The following ANK2 variants were observed in gnomAD, a reference collection of about 807,000 sequenced individuals.
The protein encoded by ANK2 is ankyrin 2.
A neutral mutation model predicts 360.5 loss-of-function variants in ANK2; 83 were observed. The ratio of observed to expected loss-of-function variants is 0.23; its 90% confidence interval spans 0.19 to 0.28. The LOEUF is 0.28. Among genes scored for constraint, ANK2 ranks in the 10% least tolerant of loss-of-function variants. ANK2 has a pLI of 1.00. For synonymous variants in ANK2, 1,740 were observed against 1,759.5 expected, an observed-to-expected ratio of 0.99 and a Z score of 0.28; for missense variants, 4,201 against 4,795.7, an observed-to-expected ratio of 0.88 and a Z score of 3.66.
rs766226596 is a variant in ANK2, at chr4:113,196,447, C to T, written c.266C>T (p.Ser89Phe). The change falls in exon 3 of 46, where the codon TCT (serine) becomes TTT (phenylalanine). Residue 89 changes from serine (S) to phenylalanine (F), a missense_variant. Physicochemically the swap from Ser to Phe is radical, Grantham distance 155. Transcript: ENST00000357077. ...LVQELLGRGSSVDSATKKGNT... is the reference protein window; with the variant it reads ...LVQELLGRGSFVDSATKKGNT... ...CAGGAGCTGCTGGGAAGAGGGTCCT[C>T]TGTGGATTCTGCCACTAAGGTAACA... The T allele has an allele frequency of 5.6e-6, 9 of 1,613,368 alleles. No individual in the cohort carries two copies. The highest frequency in any genetic ancestry group is 7.6e-6 in the Non-Finnish European group (9 of 1,179,848).
the ANK2 span, among the ~76,000 whole-genome samples, chr4:112,796,429 A>T: frequency 6.8e-6 from 1 of 146,106 alleles, no homozygotes; most frequent in Non-Finnish European, 1.5e-5. Flanking sequence ...GTCTCAAAAA[A>T]AAATATCTAT....
At chr4:113,012,948 T>C (rs1417522659) in intron 2 of ANK2, among the ~76,000 whole-genome samples, 2 of 152,180 alleles carry the variant, frequency 1.3e-5, no homozygotes, top group Admixed American at 1.3e-4. Flanking sequence ...ATTATTCTTC[T>C]TAGAATAAGT....
chr4:113,034,303 TA>T (rs1241002846), intron 2 of ANK2, among the ~76,000 whole-genome samples: 4 of 152,152 alleles, frequency 2.6e-5, no homozygotes, highest in African/African-American at 9.6e-5. Flanking sequence ...TAACCTGATG[TA>T]GTTTTTCAAT....
rs533488549 is a variant in ANK2 at position 112,991,352 on chromosome 4, G to C, written c.21+86838G>C. Among the ~76,000 whole-genome samples the C allele has an allele frequency of 2.0e-5, 3 of 152,118 alleles. No homozygotes were observed. The South Asian group carries it at 6.2e-4, about 32-fold the overall frequency. On this transcript the variant is annotated intron_variant, in intron 2 of 30. Transcript: ENST00000503271. ...TCATGTCTGTATTTGGGGTGCAAAA[G>C]CTTGGGGTATCATATTGAGCAATGT... is the stretch of plus-strand genomic sequence containing the variant.
intron 1 of ANK2, among the ~76,000 whole-genome samples, chr4:112,903,087 A>G (rs2083979724): frequency 6.6e-6 from 1 of 152,216 alleles, no homozygotes; most frequent in Non-Finnish European, 1.5e-5. Context: ...ACACTGGGCT[A>G]TGGTCCTCAA....
At position 113,335,931 on chromosome 4, in the gene ANK2, T is replaced by G; in HGVS notation, c.3465T>G (p.Ser1155=). The G allele has an allele frequency of 6.2e-7, 1 of 1,614,120 alleles. No individual in the cohort carries two copies. Among genetic ancestry groups the G allele is most frequent in the Non-Finnish European group, 8.5e-7 (1 of 1,180,016 alleles). ...TCCCACAGTACTTTGCAGTGGTGTC[T>G]CGTATCAAACAGGACAGCAATCTGA... ...RDFPQYFAVV[S]RIKQDSNLIG... Residue 1155 remains serine, a synonymous_variant, in exon 30 of 46, where the codon TCT becomes TCG. Coordinates refer to ENST00000357077, the MANE Select transcript of ANK2 (RefSeq NM_001148.6).
At chr4:113,265,983 G>C (rs974456487) in intron 14 of ANK2, among the ~76,000 whole-genome samples, 2 of 152,150 alleles carry the variant, frequency 1.3e-5, no homozygotes, top group African/African-American at 4.8e-5. Flanking sequence ...TATACTTTAA[G>C]TTCTGGGATA....
intron 4 of ANK2, among the ~76,000 whole-genome samples, chr4:113,212,642 A>C (rs116069552): frequency 0.028 from 4,245 of 152,310 alleles, 99 homozygotes; most frequent in East Asian, 0.067. Flanking sequence ...CTCATGAGCT[A>C]TTCTGCTTTC....
At chr4:112,721,196 T>C in the ANK2 span, among the ~76,000 whole-genome samples, 2 of 152,024 alleles carry the variant, frequency 1.3e-5, no homozygotes, top group Non-Finnish European at 2.9e-5. Flanking sequence ...GGGTTGCTAT[T>C]GTGATGAAGA....
chr4:113,243,148 A>G (rs1425373885), intron 9 of ANK2, among the ~76,000 whole-genome samples: 2 of 152,198 alleles, frequency 1.3e-5, no homozygotes, highest in African/African-American at 4.8e-5. Flanking sequence ...TTAATCATAG[A>G]CTTCAGCAAA....
At chr4:113,033,770 C>T (rs1354681) in intron 2 of ANK2, 127,619 of 151,916 alleles carry the variant, frequency 0.84, 54,064 homozygotes, top group East Asian at 0.98. Flanking sequence ...TAACTGCCCA[C>T]TTGTTACTAG....
the ANK2 span, chr4:112,788,433 T>C: frequency 6.3e-7 from 1 of 1,599,746 alleles, no homozygotes; most frequent in African/African-American, 1.3e-5. Context: ...AGCTGAGCTT[T>C]CTTGTTCTCC....
chr4:112,983,113 A>G (rs1172847584), intron 2 of ANK2, among the ~76,000 whole-genome samples: 2 of 152,212 alleles, frequency 1.3e-5, no homozygotes, highest in South Asian at 2.1e-4. Context: ...CTTTAAAGCC[A>G]AAATTCTCTT....
chr4:113,085,941 GA>G (rs2084524277), intron 1 of ANK2, among the ~76,000 whole-genome samples: 1 of 151,948 alleles, frequency 6.6e-6, no homozygotes, highest in African/African-American at 2.4e-5. Context: ...GAGGGAAAAG[GA>G]AAAGATGAAA....
At chr4:113,348,745 G>T (rs1013745312) in intron 36 of ANK2, among the ~76,000 whole-genome samples, 12 of 151,966 alleles carry the variant, frequency 7.9e-5, no homozygotes, top group African/African-American at 2.9e-4. Context: ...TCTCCCAGAG[G>T]CTATACTACA....
chr4:113,096,332 T>A (rs1258012481), intron 1 of ANK2, among the ~76,000 whole-genome samples: 2 of 152,186 alleles, frequency 1.3e-5, no homozygotes, highest in African/African-American at 4.8e-5. Context: ...GTGACTTAAA[T>A]AAGATAGTAG....
intron 1 of ANK2, among the ~76,000 whole-genome samples, chr4:113,069,193 G>T (rs2076675153): frequency 6.6e-6 from 1 of 152,196 alleles, no homozygotes; most frequent in Admixed American, 6.5e-5. Context: ...GAGCTGCTGG[G>T]CAGGTAATCA....
chr4:113,331,811 C>T (rs553707140), intron 27 of ANK2, among the ~76,000 whole-genome samples, 161 bp from the exon 28 acceptor site: 45 of 152,228 alleles, frequency 3.0e-4, no homozygotes, highest in South Asian at 6.2e-4. Context: ...CTCTGGGTCT[C>T]GGTTCCTTGC....
At chr4:112,977,570 ATTTTT>A (rs796866393) in intron 2 of ANK2, among the ~76,000 whole-genome samples, 10 of 147,720 alleles carry the variant, frequency 6.8e-5, no homozygotes, top group African/African-American at 2.5e-4. Flanking sequence ...TTTTTATTTT[ATTTTT>A]TTTTTTTACT....
Sources: allele counts gnomAD v4.1 joint callset (sites outside exome capture counted in the v4.1 genomes callset), GRCh38; gene constraint gnomAD v4.1.1; transcripts MANE v1.5; gene names NCBI Gene and HGNC (gene_info 2026-07-23, HGNC 2026-07-21).